The following GDNF variants were observed in gnomAD, a reference collection of about 807,000 sequenced individuals.
GDNF encodes the protein glial cell line-derived neurotrophic factor.
In GDNF, 5 loss-of-function variants were observed where a neutral mutation model predicts 13.7. The ratio of observed to expected loss-of-function variants is 0.36; its 90% CI spans 0.19 to 0.77. The LOEUF (loss-of-function observed/expected upper bound fraction) is 0.77, where lower values mean the gene tolerates loss of function less well. GDNF is among the 30% of genes least tolerant of loss of function. GDNF has a pLI of 0.51. For missense variants in GDNF, 246 were observed against 274.3 expected, an observed-to-expected ratio of 0.90 and a Z score of 0.73; for synonymous variants, 122 against 112.5, an observed-to-expected ratio of 1.08 and a Z score of -0.53.
At chr5:37,836,570 T>G (rs1408829945) in intron 1 of GDNF, among the ~76,000 whole-genome samples, 1 of 152,184 alleles carries the variant, frequency 6.6e-6, no homozygotes, top group East Asian at 1.9e-4. Flanking sequence ...GGTCGCGATG[T>G]GCAGACACAG....
In GDNF at chr5:37,834,653, G is replaced by A. The variant is rs1367849014; in HGVS notation, c.144C>T (p.Ser48=). ...GGAGGGAACGGTTCTTACAGTCACT[G>A]CTCAGCGCGAAGGGCGCGCGGCGGC... ...LGRRRAPFAL[S]SDSNMPEDYP... Residue 48 remains serine, a synonymous_variant, in exon 2 of 3, where the codon AGC becomes AGT. Transcript: ENST00000326524. 1.9e-5 allele frequency: 31 copies of A among 1,593,482 alleles called. No individual in the cohort carries two copies. Among genetic ancestry groups the A allele is most frequent in the Non-Finnish European group, 2.6e-5 (30 of 1,170,742 alleles).
Position 37,834,646 on chromosome 5 carries a change from A to G in GDNF, c.151T>C (p.Ser51Pro). The G allele has an allele frequency of 6.3e-7, 1 of 1,583,564 alleles. No individual in the cohort carries two copies. The highest frequency in any genetic ancestry group is 8.6e-7 in the Non-Finnish European group (1 of 1,166,486). ...CCCGCGGGGAGGGAACGGTTCTTAC[A>G]GTCACTGCTCAGCGCGAAGGGCGCG... Reference protein sequence around the residue: ...RRAPFALSSDSNMPEDYPDQF... With the variant: ...RRAPFALSSDPNMPEDYPDQF... The change falls in exon 2 of 3, where the codon TCA becomes CCA. Residue 51 changes from serine to proline, a missense_variant and splice_region_variant. Physicochemically the swap from Ser to Pro is moderately conservative, Grantham distance 74. Coordinates refer to ENST00000326524, the MANE Select transcript of GDNF (RefSeq NM_000514.4).
intron 2 of GDNF, among the ~76,000 whole-genome samples, chr5:37,831,968 G>C (rs1299798874): frequency 6.6e-6 from 1 of 152,222 alleles, no homozygotes; most frequent in African/African-American, 2.4e-5. Flanking sequence ...TTACTTTACA[G>C]CCAGCCTCTA....
chr5:37,833,676 T>C (rs1750600710), intron 2 of GDNF, among the ~76,000 whole-genome samples: 1 of 151,854 alleles, frequency 6.6e-6, no homozygotes, highest in Admixed American at 6.6e-5. Flanking sequence ...ATTCTGGGGG[T>C]GGCGTTAGGG....
chr5:37,817,894 C>A (rs961539456), intron 2 of GDNF, among the ~76,000 whole-genome samples: 8 of 152,170 alleles, frequency 5.3e-5, no homozygotes, highest in African/African-American at 1.7e-4. Flanking sequence ...CAGAACATAA[C>A]CTCCTCTGCT....
At chr5:37,830,400 G>A (rs1396089102) in intron 2 of GDNF, among the ~76,000 whole-genome samples, 2 of 152,176 alleles carry the variant, frequency 1.3e-5, no homozygotes, top group Non-Finnish European at 2.9e-5. Flanking sequence ...TGGAAACTGG[G>A]GAAGGGTCGG....
chr5:37,819,451 T>C (rs1224974790), intron 2 of GDNF, among the ~76,000 whole-genome samples: 2 of 150,048 alleles, frequency 1.3e-5, no homozygotes, highest in African/African-American at 4.9e-5. Context: ...TTTCTTTTTT[T>C]TTTTTTTTTT....
chr5:37,837,515 C>G lies in GDNF; in HGVS notation c.-27+1992G>C, dbSNP rs183156544. ...CGCCCAGGAAAGCCACAGAAGTGCT[C>G]GCAGAAGCAGCCGCTCGCCGCGAGG... On this transcript the variant is annotated intron_variant, in intron 1 of 2. Transcript: ENST00000326524. The surrounding 1 kb of genome is among the most constrained non-coding windows in gnomAD (Gnocchi z 6.5). Among the ~76,000 whole-genome samples the G allele has an allele frequency of 1.3e-5, 2 of 152,180 alleles. No homozygotes were observed. The highest frequency in any genetic ancestry group is 2.9e-5 in the Non-Finnish European group (2 of 68,028).
chr5:37,824,035 T>A, intron 2 of GDNF: 1 of 982,942 alleles, frequency 1.0e-6, no homozygotes, highest in Non-Finnish European at 1.2e-6. Flanking sequence ...CTCGGCTACA[T>A]TTGAAATGAC....
Position 37,838,668 on chromosome 5 carries a change from G to A in GDNF, c.-27+839C>T, listed in dbSNP as rs912828118. On this transcript the variant is annotated intron_variant, in intron 1 of 2. Coordinates refer to ENST00000326524, the MANE Select transcript of GDNF (RefSeq NM_000514.4). The surrounding 1 kb of genome is among the most constrained non-coding windows in gnomAD (Gnocchi z 4.1). The stretch of plus-strand genomic sequence containing the variant: ...AAAGTCCGTTTCCAGCCCGAAGAGG[G>A]TTCGTTTTTCTTCGTTGGGGCAGGA... Among the ~76,000 whole-genome samples, 1 of 152,232 alleles carries A rather than the reference G, an allele frequency of 6.6e-6. No individual in the cohort carries two copies. Among genetic ancestry groups the A allele is most frequent in the African/African-American group, 2.4e-5 (1 of 41,458 alleles).
At chr5:37,832,292 C>T (rs1461331332) in intron 2 of GDNF, among the ~76,000 whole-genome samples, 4 of 152,148 alleles carry the variant, frequency 2.6e-5, no homozygotes, top group African/African-American at 9.7e-5. Flanking sequence ...AAGCCTTAAC[C>T]AGTTGCACCA....
At chr5:37,828,406 T>G (rs948848816) in intron 2 of GDNF, among the ~76,000 whole-genome samples, 18 of 152,252 alleles carry the variant, frequency 1.2e-4, no homozygotes, top group Non-Finnish European at 2.5e-4. Flanking sequence ...GGCTTAAGCC[T>G]ACCGCAGCCC....
chr5:37,817,042 GC>G (rs1037108610), intron 2 of GDNF, among the ~76,000 whole-genome samples: 24 of 152,188 alleles, frequency 1.6e-4, no homozygotes, highest in Admixed American at 1.3e-3. Context: ...AAGCAGCCCT[GC>G]CCCCAAGGGT....
At chr5:37,829,669 A>T (rs1461197814) in intron 2 of GDNF, among the ~76,000 whole-genome samples, 1 of 152,234 alleles carries the variant, frequency 6.6e-6, no homozygotes, top group South Asian at 2.1e-4. Context: ...AAGATCAAAG[A>T]GATATTAGGA....
At chr5:37,834,998 C>G in intron 1 of GDNF, 176 bp from the exon 2 acceptor site, 2 of 612,910 alleles carry the variant, frequency 3.3e-6, no homozygotes, top group East Asian at 5.7e-5. Context: ...TTCGCTTCTC[C>G]CTCCTCAGCG....
chr5:37,828,646 A>G (rs978523989), intron 2 of GDNF, among the ~76,000 whole-genome samples: 6 of 152,170 alleles, frequency 3.9e-5, no homozygotes, highest in African/African-American at 1.2e-4. Context: ...TGGCTTCACC[A>G]CTTACTAGGT....
chr5:37,829,463 G>A (rs187251494), intron 2 of GDNF, among the ~76,000 whole-genome samples: 8 of 152,206 alleles, frequency 5.3e-5, no homozygotes, highest in Admixed American at 2.0e-4. Flanking sequence ...CCAGCCATCC[G>A]CCCATCCACC....
intron 2 of GDNF, among the ~76,000 whole-genome samples, chr5:37,827,184 A>G (rs890918020): frequency 6.6e-6 from 1 of 152,152 alleles, no homozygotes; most frequent in East Asian, 1.9e-4. Flanking sequence ...CAGACAGTCA[A>G]ATGCAATTTA....
chr5:37,834,825 G>A lies in GDNF; in HGVS notation c.-26-3C>T, dbSNP rs376241379. ...AAAGTCCCGTCCGGCGGCGGCACCTGCGCGGGCAGGCGGGAGGTGGGGGAG... is the reference window on the plus strand; with the variant it reads ...AAAGTCCCGTCCGGCGGCGGCACCTACGCGGGCAGGCGGGAGGTGGGGGAG... On this transcript the variant is annotated splice_polypyrimidine_tract_variant and splice_region_variant and intron_variant, in intron 1 of 2. Coordinates refer to ENST00000326524, the MANE Select transcript of GDNF (RefSeq NM_000514.4). 4 of 1,612,180 alleles carry A rather than the reference G, an allele frequency of 2.5e-6. No individual in the cohort carries two copies. In the African/African-American group the frequency reaches 5.3e-5, roughly 22 times the overall value.
Sources: gnomAD v4.1 joint callset for allele counts (sites outside exome capture counted in the v4.1 genomes callset) on GRCh38, gnomAD v4.1.1 for gene constraint, Gnocchi (gnomAD v3.1) non-coding constraint, MANE v1.5 for transcripts, NCBI Gene and HGNC (gene_info 2026-07-23, HGNC 2026-07-21) for gene names.